TTC9: variants seen among roughly 807,000 people sequenced by gnomAD.
The protein encoded by TTC9 is tetratricopeptide repeat domain 9, also known as tetratricopeptide repeat protein 9A.
TTC9 carries 13 observed loss-of-function variants against 22.9 expected under a neutral mutation model. The ratio of observed to expected loss-of-function variants is 0.57; its 90% confidence interval spans 0.37 to 0.90. The LOEUF is 0.90. Ranked by LOEUF, TTC9 falls within the 40% of genes least tolerant of loss-of-function variation. The pLI, the probability that TTC9 is intolerant of heterozygous loss-of-function variation, is 0.01. For synonymous variants in TTC9, 148 were observed against 133.2 expected (o/e 1.11, Z -0.77); for missense variants, 280 against 291.8 (o/e 0.96, Z 0.29).
rs992691378 is a variant in TTC9, at chr14:70,672,679, G to A, written c.*1524G>A. ...ATATACAGATGCAATAATGTGAATA[G>A]TTAGGATTTATTAAATGCATTATCT... On this transcript the variant is annotated 3_prime_UTR_variant, in exon 3 of 3. Transcript: ENST00000256367. 3 of 152,190 alleles carry A rather than the reference G, an allele frequency of 2.0e-5. No individual in the cohort carries two copies. Among genetic ancestry groups the A allele is most frequent in the African/African-American group, 7.2e-5 (3 of 41,448 alleles). 9.4% of individuals were successfully genotyped at this position (152,190 alleles called of 1,614,324 possible).
intron 1 of TTC9, among the ~76,000 whole-genome samples, chr14:70,650,983 T>TTTTTTTC (rs1885976516): frequency 6.6e-6 from 1 of 152,192 alleles, no homozygotes; most frequent in African/African-American, 2.4e-5. Flanking sequence ...TTAACTTTTT[T>TTTTTTTC]TTTTTTCTTT....
At position 70,674,626 on chromosome 14, in the gene TTC9, C is replaced by T. The variant is rs1406762866; in HGVS notation, c.*3471C>T. 2.6e-5 allele frequency: 4 copies of T among 152,184 alleles called. No homozygotes were observed. The highest frequency in any genetic ancestry group is 4.4e-5 in the Non-Finnish European group (3 of 68,032). 9.4% of individuals were successfully genotyped at this position (152,184 alleles called of 1,614,324 possible). A position where few individuals can be genotyped will look rare whatever the true frequency, so the allele number is the denominator to read the frequency against. On this transcript the variant is annotated 3_prime_UTR_variant, in exon 3 of 3. Transcript: ENST00000256367. ...AGTTTCCCTCTAATTTATTTTGCAT[C>T]CTAGTGGAGATGCTTACACATTGTC...
Position 70,667,546 on chromosome 14 carries a change from C to T in TTC9, c.407-18C>T. 3 of 1,613,522 alleles carry T rather than the reference C, an allele frequency of 1.9e-6. No homozygotes were observed. Among genetic ancestry groups the T allele is most frequent in the Non-Finnish European group, 2.5e-6 (3 of 1,179,804 alleles). ...GCCACTGTTGTGCTGATGGCATTTT[C>T]CCTCCCTTCCTCCATAGCCTGCCTG... is the stretch of plus-strand genomic sequence containing the variant. On this transcript the variant is annotated intron_variant, in intron 1 of 2. Transcript: ENST00000256367.
At chr14:70,667,422 A>G (rs1366055725) in intron 1 of TTC9, 142 bp from the exon 2 acceptor site, 4 of 829,970 alleles carry the variant, frequency 4.8e-6, no homozygotes, top group Non-Finnish European at 7.5e-6. Context: ...GGAGGCTAGG[A>G]TTATTGGAAG....
chr14:70,653,479 A>T (rs976618512), intron 1 of TTC9, among the ~76,000 whole-genome samples: 2 of 152,112 alleles, frequency 1.3e-5, no homozygotes, highest in Non-Finnish European at 1.5e-5. Flanking sequence ...TGAACATATA[A>T]CTCATCAGTT....
At chr14:70,660,529 A>T (rs1057202254) in intron 1 of TTC9, among the ~76,000 whole-genome samples, 3 of 152,172 alleles carry the variant, frequency 2.0e-5, no homozygotes, top group South Asian at 4.1e-4. Flanking sequence ...GAAGCATGTA[A>T]TGTGCATTAA....
intron 1 of TTC9, among the ~76,000 whole-genome samples, chr14:70,652,058 G>A (rs1276515272): frequency 1.3e-5 from 2 of 152,074 alleles, no homozygotes; most frequent in Non-Finnish European, 2.9e-5. Flanking sequence ...GTCACATCCT[G>A]CTAAGCCTCA....
chr14:70,649,288 C>T (rs1234623460), intron 1 of TTC9, among the ~76,000 whole-genome samples: 1 of 152,182 alleles, frequency 6.6e-6, no homozygotes, highest in Non-Finnish European at 1.5e-5. Flanking sequence ...AATGAAAATG[C>T]TTTTCCCAGC....
chr14:70,642,330 C>T lies in TTC9; in HGVS notation c.201C>T (p.Cys67=), dbSNP rs1309757128. The T allele has an allele frequency of 3.8e-6, 6 of 1,592,770 alleles. No homozygotes were observed. Among genetic ancestry groups the T allele is most frequent in the East Asian group, 4.6e-5 (2 of 43,384 alleles). ...AGTTCAAAAGCCAAGGGGCGCAGTG[C>T]TACAAGGACAAGAAATTCCGTGAAG... The part of the protein sequence containing the change: ...AHEFKSQGAQ[C]YKDKKFREAI... Residue 67 remains cysteine, a synonymous_variant, in exon 1 of 3, where the codon TGC becomes TGT. Coordinates refer to ENST00000256367, the MANE Select transcript of TTC9 (RefSeq NM_015351.2).
chr14:70,647,686 A>T lies in TTC9; in HGVS notation c.406+5151A>T, dbSNP rs191706373. Among the ~76,000 whole-genome samples the T allele has an allele frequency of 3.1e-3, 473 of 152,310 alleles. 3 individuals are homozygous for T. The highest frequency in any genetic ancestry group is 4.7e-3 in the Non-Finnish European group (322 of 68,030). Reference sequence around the variant, plus strand: ...ATGCTATATGCAAATGGGGCAGCAGAGAGTGGTATTGTGCCCATCTCCTCT... The same window carrying T: ...ATGCTATATGCAAATGGGGCAGCAGTGAGTGGTATTGTGCCCATCTCCTCT... On this transcript the variant is annotated intron_variant, in intron 1 of 2. Coordinates refer to ENST00000256367, the MANE Select transcript of TTC9 (RefSeq NM_015351.2).
At chr14:70,644,501 A>G (rs1885875292) in intron 1 of TTC9, among the ~76,000 whole-genome samples, 1 of 152,184 alleles carries the variant, frequency 6.6e-6, no homozygotes, top group Admixed American at 6.5e-5. Flanking sequence ...TTTTGCAGAG[A>G]AAAAGCTCAA....
intron 2 of TTC9, among the ~76,000 whole-genome samples, chr14:70,668,538 G>A (rs1020998274): frequency 6.6e-6 from 1 of 152,134 alleles, no homozygotes; most frequent in African/African-American, 2.4e-5. Context: ...AGAAAATAAA[G>A]CAGAATAAAG....
intron 1 of TTC9, among the ~76,000 whole-genome samples, chr14:70,654,270 A>G (rs1886026514): frequency 6.6e-6 from 1 of 151,840 alleles, no homozygotes; most frequent in Admixed American, 6.6e-5. Flanking sequence ...CTCTGAAGGG[A>G]TGATAATGGT....
At position 70,673,526 on chromosome 14, in the gene TTC9, A is replaced by G. The variant is rs1391676161; in HGVS notation, c.*2371A>G. ...AGCTGGCTTTACATGACCCTAACCCAAAACTACCCTATGGCCCCACACGGG... is the reference window on the plus strand; with the variant it reads ...AGCTGGCTTTACATGACCCTAACCCGAAACTACCCTATGGCCCCACACGGG... On this transcript the variant is annotated 3_prime_UTR_variant, in exon 3 of 3. Transcript: ENST00000256367. The G allele has an allele frequency of 6.6e-6, 1 of 152,210 alleles. No individual in the cohort carries two copies. Among genetic ancestry groups the G allele is most frequent in the Non-Finnish European group, 1.5e-5 (1 of 68,070 alleles). 9.4% of individuals were successfully genotyped at this position (152,210 alleles called of 1,614,324 possible). A position where few individuals can be genotyped will look rare whatever the true frequency, so the allele number is the denominator to read the frequency against.
intron 2 of TTC9, among the ~76,000 whole-genome samples, chr14:70,670,782 C>T (rs935678694): frequency 6.6e-6 from 1 of 152,148 alleles, no homozygotes; most frequent in Non-Finnish European, 1.5e-5. Flanking sequence ...GGCTGGGAAA[C>T]CACTGGGATA....
chr14:70,673,991 A>C lies in TTC9; in HGVS notation c.*2836A>C, dbSNP rs193237036. The C allele has an allele frequency of 8.3e-4, 127 of 152,276 alleles. No homozygotes were observed. Among genetic ancestry groups the C allele is most frequent in the Middle Eastern group, 3.4e-3 (1 of 294 alleles). 9.4% of individuals were successfully genotyped at this position (152,276 alleles called of 1,614,324 possible). ...AAGTTAAATAATCCCAAAGAGAAAA[A>C]GCTACCTGGGGTATTGGTTGATGTT... On this transcript the variant is annotated 3_prime_UTR_variant, in exon 3 of 3. Transcript: ENST00000256367.
chr14:70,671,106 C>G lies in TTC9; in HGVS notation c.620C>G (p.Thr207Arg). 6.2e-7 allele frequency: 1 copy of G among 1,613,670 alleles called. No individual in the cohort carries two copies. Among genetic ancestry groups the G allele is most frequent in the Non-Finnish European group, 8.5e-7 (1 of 1,179,714 alleles). The change falls in exon 3 of 3, where the codon ACG becomes AGG. Residue 207 changes from threonine (T) to arginine (R), a missense_variant. By Grantham distance (71) the Thr-to-Arg change is moderately conservative. Transcript: ENST00000256367. The stretch of plus-strand genomic sequence containing the variant: ...AACGTGATTCGGTATATCCAGCTGA[C>G]GGAGATGAAACTCAGCCGATGCTCC... ...DTNVIRYIQL[T>R]EMKLSRCSQR...
At chr14:70,666,164 C>T (rs1344100957) in intron 1 of TTC9, among the ~76,000 whole-genome samples, 1 of 152,148 alleles carries the variant, frequency 6.6e-6, no homozygotes, top group Non-Finnish European at 1.5e-5. Flanking sequence ...AAATTTCAAT[C>T]ATTCTTCAAG....
intron 1 of TTC9, among the ~76,000 whole-genome samples, 175 bp downstream of exon 1, chr14:70,642,710 A>G (rs571558760): frequency 6.6e-6 from 1 of 152,330 alleles, no homozygotes; most frequent in African/African-American, 2.4e-5. Flanking sequence ...ATGCCTTTCA[A>G]AGGCCATAAT....
Sources: gnomAD v4.1 joint callset for allele counts (sites outside exome capture counted in the v4.1 genomes callset) on GRCh38, gnomAD v4.1.1 for gene constraint, MANE v1.5 for transcripts, NCBI Gene and HGNC (gene_info 2026-07-23, HGNC 2026-07-21) for gene names.